Variants in PTPRG observed in about 807,000 individuals in gnomAD.
PTPRG encodes protein tyrosine phosphatase receptor type G, also known as receptor-type tyrosine-protein phosphatase gamma.
Under a neutral mutation model 165.3 loss-of-function variants are expected in PTPRG, and 102 were observed. That is an observed-to-expected ratio of 0.62 (90% confidence interval 0.53 to 0.73). PTPRG has a LOEUF of 0.73. Ranked by LOEUF, PTPRG falls within the 30% of genes least tolerant of loss-of-function variation. The pLI, the probability that PTPRG is intolerant of heterozygous loss-of-function variation, is 0.00. For synonymous variants in PTPRG, 675 were observed against 669.5 expected (o/e 1.01, Z -0.13); for missense variants, 1,866 against 1,861.4 (o/e 1.00, Z -0.05).
chr3:61,619,512 C>T (rs1039022710), intron 1 of PTPRG, among the ~76,000 whole-genome samples: 8 of 152,224 alleles, frequency 5.3e-5, no homozygotes, highest in East Asian at 1.9e-4. Flanking sequence ...GGACAGCCAC[C>T]GCAGGAAAGA....
At chr3:62,268,413 GTGCATCAAACC>G (rs765487026) in intron 19 of PTPRG, among the ~76,000 whole-genome samples, 9 of 152,066 alleles carry the variant, frequency 5.9e-5, no homozygotes, top group Non-Finnish European at 1.3e-4. Flanking sequence ...GGGTTGATAG[GTGCATCAAACC>G]ACTATGGCAC....
intron 2 of PTPRG, among the ~76,000 whole-genome samples, chr3:61,877,384 T>C (rs951675494): frequency 2.0e-5 from 3 of 152,328 alleles, no homozygotes; most frequent in East Asian, 1.9e-4. Flanking sequence ...TTAGGGTTTT[T>C]AACTCTGGTG....
intron 3 of PTPRG, among the ~76,000 whole-genome samples, chr3:61,996,976 C>T (rs2041054052): frequency 6.6e-6 from 1 of 152,212 alleles, no homozygotes; most frequent in Non-Finnish European, 1.5e-5. Context: ...CTGAATGTTA[C>T]AGGCCATTTT....
At chr3:61,739,773 C>T (rs892852820) in intron 1 of PTPRG, among the ~76,000 whole-genome samples, 1 of 152,114 alleles carries the variant, frequency 6.6e-6, no homozygotes, top group African/African-American at 2.4e-5. Flanking sequence ...ACACAGATGG[C>T]CACAGGGACT....
chr3:61,567,306 C>G (rs1362896559), intron 1 of PTPRG, among the ~76,000 whole-genome samples: 2 of 152,102 alleles, frequency 1.3e-5, no homozygotes, highest in Non-Finnish European at 2.9e-5. Flanking sequence ...CTGAGAAGAG[C>G]CTGCTCTGTG....
At chr3:61,597,028 G>T (rs1700718897) in intron 1 of PTPRG, among the ~76,000 whole-genome samples, 1 of 152,132 alleles carries the variant, frequency 6.6e-6, no homozygotes, top group Admixed American at 6.6e-5. Context: ...TGTGGTGAGG[G>T]TCTTCTCGCT....
chr3:61,657,631 T>C (rs1470614453), intron 1 of PTPRG, among the ~76,000 whole-genome samples: 2 of 152,202 alleles, frequency 1.3e-5, no homozygotes, highest in African/African-American at 4.8e-5. Context: ...ATTTGTTTTC[T>C]TGGGATTCAT....
chr3:61,601,685 A>C (rs979920253), intron 1 of PTPRG, among the ~76,000 whole-genome samples: 2 of 152,196 alleles, frequency 1.3e-5, no homozygotes, highest in Non-Finnish European at 2.9e-5. Context: ...AAGTGACAAA[A>C]CCAACAAATA....
chr3:61,705,416 T>C (rs1020499732), intron 1 of PTPRG, among the ~76,000 whole-genome samples: 1 of 152,184 alleles, frequency 6.6e-6, no homozygotes, highest in Non-Finnish European at 1.5e-5. Context: ...TTGTCAGGGG[T>C]TTCAGGCTTT....
At position 62,218,891 on chromosome 3, in the gene PTPRG, A is replaced by G. The variant is rs764881823; in HGVS notation, c.2196A>G (p.Pro732=). The G allele has an allele frequency of 2.1e-5, 34 of 1,613,912 alleles. No individual in the cohort carries two copies. In the African/African-American group the frequency reaches 3.5e-4, roughly 16 times the overall value. ...CTGGAATGATAAGCCGCCCTGCTCC[A>G]GGGAGGATGGAGTGGATCATCCCTC... is the stretch of plus-strand genomic sequence containing the variant. ...NTSGMISRPA[P]GRMEWIIPLI... The change falls in exon 13 of 30, where the codon CCA becomes CCG. Residue 732 remains proline, a synonymous_variant. Coordinates refer to ENST00000474889, the MANE Select transcript of PTPRG (RefSeq NM_002841.4).
chr3:61,574,453 C>T (rs904946272), intron 1 of PTPRG, among the ~76,000 whole-genome samples: 1 of 152,156 alleles, frequency 6.6e-6, no homozygotes, highest in African/African-American at 2.4e-5. Flanking sequence ...TATCCCTCTT[C>T]CCACCAGTTG....
intron 1 of PTPRG, among the ~76,000 whole-genome samples, chr3:61,743,740 T>C (rs1053702512): frequency 1.3e-5 from 2 of 152,238 alleles, no homozygotes; most frequent in African/African-American, 4.8e-5. Context: ...GTAGAATATA[T>C]GTGTGCATAA....
At chr3:62,027,265 G>C (rs1379746196) in intron 4 of PTPRG, among the ~76,000 whole-genome samples, 4 of 152,108 alleles carry the variant, frequency 2.6e-5, no homozygotes, top group Non-Finnish European at 5.9e-5. Context: ...TAGCTCTGAG[G>C]AACATTATGA....
chr3:61,698,442 A>G (rs2030738796), intron 1 of PTPRG, among the ~76,000 whole-genome samples: 1 of 152,148 alleles, frequency 6.6e-6, no homozygotes, highest in African/African-American at 2.4e-5. Flanking sequence ...TTCCAATAAA[A>G]CTTTATTTAC....
At chr3:61,993,923 A>ATG (rs141833656) in intron 3 of PTPRG, among the ~76,000 whole-genome samples, 1,688 of 152,350 alleles carry the variant, frequency 0.011, 76 homozygotes, top group Admixed American at 0.085. Flanking sequence ...AACAGCTTAA[A>ATG]TGTTCAGATC....
chr3:61,639,109 T>TTCATTCCGCTGCATATGGCTAGCCA (rs1435465151), intron 1 of PTPRG, among the ~76,000 whole-genome samples: 6 of 152,222 alleles, frequency 3.9e-5, no homozygotes, highest in Non-Finnish European at 7.3e-5. Context: ...GGTGTTCACT[T>TTCATTCCGCTGCATATGGCTAGCCA]TCATTCCGCT....
chr3:61,651,485 C>A (rs903543543), intron 1 of PTPRG, among the ~76,000 whole-genome samples: 1 of 151,950 alleles, frequency 6.6e-6, no homozygotes, highest in African/African-American at 2.4e-5. Flanking sequence ...CCTGATGAAG[C>A]CTTAGGGCTA....
At chr3:62,292,198 C>T (rs188640837) in intron 28 of PTPRG, among the ~76,000 whole-genome samples, 3 of 152,058 alleles carry the variant, frequency 2.0e-5, no homozygotes, top group South Asian at 2.1e-4. Flanking sequence ...TCAAGCTAAA[C>T]GTCTCATGAA....
At chr3:62,068,997 T>A (rs1428919814) in intron 4 of PTPRG, among the ~76,000 whole-genome samples, 1 of 152,196 alleles carries the variant, frequency 6.6e-6, no homozygotes, top group East Asian at 1.9e-4. Context: ...CAGAGCTTGG[T>A]TCCTCTAAAA....
Sources: allele counts gnomAD v4.1 joint callset (sites outside exome capture counted in the v4.1 genomes callset), GRCh38; gene constraint gnomAD v4.1.1; transcripts MANE v1.5; gene names NCBI Gene and HGNC (gene_info 2026-07-23, HGNC 2026-07-21).